ZFAND1: variants seen among roughly 807,000 people sequenced by gnomAD.
ZFAND1 encodes the protein AN1-type zinc finger protein 1.
ZFAND1 carries 40 observed loss-of-function variants against 38.5 expected under a neutral mutation model. The ratio of observed to expected loss-of-function variants is 1.04; its 90% confidence interval spans 0.81 to 1.35. The LOEUF (loss-of-function observed/expected upper bound fraction) is 1.35, where lower values mean the gene tolerates loss of function less well. ZFAND1 is among the 40% of genes most tolerant of loss of function. ZFAND1 has a pLI of 0.00. For missense variants in ZFAND1, 346 were observed against 316.3 expected (o/e 1.09, Z -0.71); for synonymous variants, 117 against 103.6 (o/e 1.13, Z -0.78).
intron 6 of ZFAND1, among the ~76,000 whole-genome samples, chr8:81,711,086 T>C (rs527776284): frequency 6.6e-6 from 1 of 152,302 alleles, no homozygotes; most frequent in South Asian, 2.1e-4. Context: ...AGACACCAAA[T>C]AAGTATATTG....
intron 2 of ZFAND1, 84 bp downstream of exon 2, chr8:81,718,098 T>G (rs1333546664): frequency 8.9e-7 from 1 of 1,118,802 alleles, no homozygotes; most frequent in Non-Finnish European, 1.3e-6. Context: ...AACAATTATT[T>G]TAAATCATTC....
At chr8:81,721,151 C>T in intron 1 of ZFAND1, 76 bp downstream of exon 1, 1 of 1,525,482 alleles carries the variant, frequency 6.6e-7, no homozygotes, top group Non-Finnish European at 8.8e-7. Flanking sequence ...CTTCACCCGC[C>T]GCCACCATCC....
intron 1 of ZFAND1, 101 bp downstream of exon 1, chr8:81,721,126 A>C (rs1808458747): frequency 2.8e-6 from 4 of 1,426,494 alleles, no homozygotes; most frequent in Non-Finnish European, 3.8e-6. Flanking sequence ...GGCCCTGCCC[A>C]GCCTTGTGGC....
At chr8:81,711,269 G>A (rs1352169627) in intron 6 of ZFAND1, among the ~76,000 whole-genome samples, 1 of 151,912 alleles carries the variant, frequency 6.6e-6, no homozygotes, top group Non-Finnish European at 1.5e-5. Context: ...AAAATTAGCT[G>A]GGCGTGGTGG....
intron 1 of ZFAND1, 136 bp from the exon 2 acceptor site, chr8:81,718,360 C>CT (rs1808375534): frequency 2.0e-6 from 1 of 506,056 alleles, no homozygotes; most frequent in African/African-American, 2.0e-5. Flanking sequence ...TGTAACCACT[C>CT]TAACAAAATT....
At chr8:81,706,108 AT>A (rs1437165060) in intron 6 of ZFAND1, among the ~76,000 whole-genome samples, 1 of 152,176 alleles carries the variant, frequency 6.6e-6, no homozygotes, top group Admixed American at 6.5e-5. Flanking sequence ...AAATTGGAAA[AT>A]ATCACAAGAA....
chr8:81,714,145 CAA>C (rs1178633821), intron 5 of ZFAND1, 106 bp from the exon 6 acceptor site: 9 of 1,108,054 alleles, frequency 8.1e-6, no homozygotes, highest in Non-Finnish European at 1.1e-5. Context: ...AAATTACACA[CAA>C]GAGAGATATA....
chr8:81,717,931 T>C (rs1023406155), intron 2 of ZFAND1, among the ~76,000 whole-genome samples: 3 of 152,120 alleles, frequency 2.0e-5, no homozygotes, highest in African/African-American at 4.8e-5. Context: ...ATATTGTGAA[T>C]ATTATTTTCT....
chr8:81,718,670 AAT>A (rs1388801146), intron 1 of ZFAND1, among the ~76,000 whole-genome samples: 1 of 149,348 alleles, frequency 6.7e-6, no homozygotes, highest in South Asian at 2.1e-4. Context: ...ATATCCAATA[AAT>A]ATATATATTT....
chr8:81,710,233 C>G (rs1184926369), intron 6 of ZFAND1, among the ~76,000 whole-genome samples: 1 of 152,128 alleles, frequency 6.6e-6, no homozygotes, highest in African/African-American at 2.4e-5. Context: ...TTAAGAACTG[C>G]TGCTTTAGGG....
At chr8:81,705,591 A>C (rs1486328315) in intron 6 of ZFAND1, among the ~76,000 whole-genome samples, 1 of 152,224 alleles carries the variant, frequency 6.6e-6, no homozygotes, top group Non-Finnish European at 1.5e-5. Context: ...GATATAAGGA[A>C]GTCATCCACA....
intron 6 of ZFAND1, among the ~76,000 whole-genome samples, chr8:81,706,240 T>C (rs1217589142): frequency 1.3e-5 from 2 of 151,632 alleles, no homozygotes; most frequent in Non-Finnish European, 2.9e-5. Context: ...GCAATCCAGC[T>C]AAAAGTAAGG....
At chr8:81,713,542 G>T (rs1363124833) in intron 6 of ZFAND1, among the ~76,000 whole-genome samples, 1 of 152,072 alleles carries the variant, frequency 6.6e-6, no homozygotes, top group African/African-American at 2.4e-5. Context: ...ATATTGTGAA[G>T]TTTTAAAGGA....
At chr8:81,717,212 G>A (rs62512330) in intron 3 of ZFAND1, 37 bp downstream of exon 3, 371,410 of 1,477,320 alleles carry the variant, frequency 0.25, 51,568 homozygotes, top group East Asian at 0.72. Flanking sequence ...ACATAAATAC[G>A]AATACATTTT....
At position 81,715,864 on chromosome 8, in the gene ZFAND1, G is replaced by A. The variant is rs116660343; in HGVS notation, c.139-750C>T. ...AATGATGTTTCAATATTTAATTAAC[G>A]AGACCTAATTATCTGAGACACATTC... On this transcript the variant is annotated intron_variant, in intron 3 of 7. Coordinates refer to ENST00000220669, the MANE Select transcript of ZFAND1 (RefSeq NM_024699.3). Among the ~76,000 whole-genome samples the A allele has an allele frequency of 7.6e-3, 1,152 of 152,128 alleles. 10 individuals are homozygous for A. The highest frequency in any genetic ancestry group is 0.025 in the African/African-American group (1,054 of 41,492).
At chr8:81,714,338 T>C (rs1446399522) in intron 5 of ZFAND1, 17 of 278,224 alleles carry the variant, frequency 6.1e-5, no homozygotes, top group Admixed American at 9.6e-5. Flanking sequence ...GATTTGGTTA[T>C]GCAAGATTGT....
At chr8:81,710,189 TGAATGTCC>T (rs1359707651) in intron 6 of ZFAND1, among the ~76,000 whole-genome samples, 1 of 152,226 alleles carries the variant, frequency 6.6e-6, no homozygotes, top group Non-Finnish European at 1.5e-5. Flanking sequence ...CAGACATTGC[TGAATGTCC>T]CCTTAGGGAG....
chr8:81,718,200 T>C lies in ZFAND1; in HGVS notation c.80A>G (p.Asp27Gly). ...QRDFLPFVCDDCSGIFCLEHR... is the reference protein window; with the variant it reads ...QRDFLPFVCDGCSGIFCLEHR... ...AACTTACCAAAATATTCCTGAACAA[T>C]CATCACACACAAATGGAAGAAAATC... Residue 27 changes from aspartate to glycine, a missense_variant, in exon 2 of 8, where the codon GAT becomes GGT. By Grantham distance (94) the Asp-to-Gly change is moderately conservative. Coordinates refer to ENST00000220669, the MANE Select transcript of ZFAND1 (RefSeq NM_024699.3). 6.4e-7 allele frequency: 1 copy of C among 1,574,764 alleles called. No homozygotes were observed. Among genetic ancestry groups the C allele is most frequent in the African/African-American group, 1.4e-5 (1 of 73,164 alleles).
chr8:81,705,958 C>T (rs1807967658), intron 6 of ZFAND1, among the ~76,000 whole-genome samples: 3 of 151,782 alleles, frequency 2.0e-5, no homozygotes, highest in East Asian at 1.9e-4. Context: ...CAAAATATGT[C>T]GACAAGAGAT....
Sources: allele counts gnomAD v4.1 joint callset (sites outside exome capture counted in the v4.1 genomes callset), GRCh38; gene constraint gnomAD v4.1.1; transcripts MANE v1.5; gene names NCBI Gene and HGNC (gene_info 2026-07-23, HGNC 2026-07-21).